The following RTN4RL1 variants were observed in gnomAD, a reference collection of about 807,000 sequenced individuals.
RTN4RL1 encodes reticulon-4 receptor-like 1.
RTN4RL1 carries 7 observed loss-of-function variants against 25.6 expected under a neutral mutation model. That is an observed-to-expected ratio of 0.27 (90% CI 0.16 to 0.51). The LOEUF (loss-of-function observed/expected upper bound fraction) is 0.51, where lower values mean the gene tolerates loss of function less well. Among genes scored for constraint, RTN4RL1 ranks in the 20% least tolerant of loss-of-function variants. The probability of loss-of-function intolerance (pLI) is 0.97; values close to 1 mark genes in which losing one functional copy is unlikely to be tolerated. For synonymous variants in RTN4RL1, 297 were observed against 288.2 expected (o/e 1.03, Z -0.31); for missense variants, 500 against 615.6 (o/e 0.81, Z 1.99).
intron 1 of RTN4RL1, among the ~76,000 whole-genome samples, chr17:2,002,354 G>C (rs373303044): frequency 6.7e-6 from 1 of 149,248 alleles, no homozygotes; most frequent in South Asian, 2.1e-4. Context: ...GTGCAGTGGC[G>C]CGATCTCGGC....
At chr17:1,990,722 T>C (rs1319302841) in intron 1 of RTN4RL1, among the ~76,000 whole-genome samples, 1 of 152,076 alleles carries the variant, frequency 6.6e-6, no homozygotes, top group Non-Finnish European at 1.5e-5. Context: ...CTTACTGTAA[T>C]ACAATCAAGG....
At chr17:1,974,481 G>C (rs2066834405) in intron 1 of RTN4RL1, among the ~76,000 whole-genome samples, 1 of 152,204 alleles carries the variant, frequency 6.6e-6, no homozygotes, top group Non-Finnish European at 1.5e-5. Flanking sequence ...TGTCAGCTGA[G>C]TGTCATTATG....
intron 1 of RTN4RL1, among the ~76,000 whole-genome samples, chr17:1,944,904 G>A (rs928387354): frequency 2.0e-5 from 3 of 152,178 alleles, no homozygotes; most frequent in African/African-American, 7.2e-5. Flanking sequence ...TGACACAGTA[G>A]GCAGGGAGAT....
Position 2,024,932 on chromosome 17 carries a change from T to C in RTN4RL1, c.-67A>G, listed in dbSNP as rs567373704. On this transcript the variant is annotated 5_prime_UTR_variant, in exon 1 of 2. Transcript: ENST00000331238. ...CTCCCTCCCGGGGTCCAGATTCAAATCCCTGGGCGCCAGCTGCAGCTAATC... is the reference window on the plus strand; with the variant it reads ...CTCCCTCCCGGGGTCCAGATTCAAACCCCTGGGCGCCAGCTGCAGCTAATC... The C allele has an allele frequency of 2.4e-5, 36 of 1,500,472 alleles. No individual in the cohort carries two copies. The highest frequency in any genetic ancestry group is 3.2e-5 in the Non-Finnish European group (35 of 1,109,158). 92.9% of individuals were successfully genotyped at this position (1,500,472 alleles called of 1,614,324 possible). A position where few individuals can be genotyped will look rare whatever the true frequency, so the allele number is the denominator to read the frequency against.
At chr17:1,949,039 C>G (rs1034178393) in intron 1 of RTN4RL1, among the ~76,000 whole-genome samples, 3 of 152,154 alleles carry the variant, frequency 2.0e-5, no homozygotes, top group Non-Finnish European at 4.4e-5. Flanking sequence ...TCACTGCAAG[C>G]TCCGCCTCCC....
intron 1 of RTN4RL1, among the ~76,000 whole-genome samples, chr17:2,007,762 G>A (rs1447927006): frequency 2.6e-5 from 4 of 151,994 alleles, no homozygotes; most frequent in East Asian, 1.9e-4. Flanking sequence ...TGGCCAGGGT[G>A]GTGAAACCCC....
rs886096884 is a variant in RTN4RL1, at chr17:1,998,792, GT to G, written c.13+26060del. 6.6e-6 allele frequency among the ~76,000 whole-genome samples: 1 copy of G among 151,498 alleles called. No individual in the cohort carries two copies. Among genetic ancestry groups the G allele is most frequent in the Non-Finnish European group, 1.5e-5 (1 of 67,774 alleles). ...CGGGGACCCCGGGGTGGGGGTGGGG[GT>G]GGGGCTCTGCGAGGGCCCTAAAAAC... On this transcript the variant is annotated intron_variant, in intron 1 of 1. Coordinates refer to ENST00000331238, the MANE Select transcript of RTN4RL1 (RefSeq NM_178568.4). The surrounding 1 kb of genome is among the most constrained non-coding windows in gnomAD (Gnocchi z 4.9).
chr17:1,971,924 T>A (rs1450317827), intron 1 of RTN4RL1, among the ~76,000 whole-genome samples: 1 of 130,590 alleles, frequency 7.7e-6, no homozygotes, highest in Non-Finnish European at 1.6e-5. Flanking sequence ...ATTGCGCCAC[T>A]GCACTCCAGC....
chr17:1,979,485 A>G (rs557028694), intron 1 of RTN4RL1, among the ~76,000 whole-genome samples: 1 of 146,260 alleles, frequency 6.8e-6, no homozygotes, highest in African/African-American at 2.6e-5. Flanking sequence ...TAAAAAAAAG[A>G]AAAAAAAAGA....
In RTN4RL1 at chr17:1,998,411, G is replaced by C. The variant is rs1199351608; in HGVS notation, c.13+26442C>G. 6.6e-6 allele frequency among the ~76,000 whole-genome samples: 1 copy of C among 152,004 alleles called. No individual in the cohort carries two copies. Among genetic ancestry groups the C allele is most frequent in the Non-Finnish European group, 1.5e-5 (1 of 67,966 alleles). On this transcript the variant is annotated intron_variant, in intron 1 of 1. Transcript: ENST00000331238. The surrounding 1 kb of genome is among the most constrained non-coding windows in gnomAD (Gnocchi z 4.9). ...TTACCGCGCGGGGAGCCGCGGCCGC[G>C]CTGGGATCCGTTCCCTCTCGCGGGA...
intron 1 of RTN4RL1, among the ~76,000 whole-genome samples, chr17:1,972,060 CCCAGGAGGT>C (rs138139592): frequency 0.031 from 4,730 of 151,886 alleles, 102 homozygotes; most frequent in South Asian, 0.053. Flanking sequence ...ATCACTTGGG[CCCAGGAGGT>C]CAAGGCTGCA....
In RTN4RL1 at chr17:2,000,508, A is replaced by T. The variant is rs1187660437; in HGVS notation, c.13+24345T>A. 3.3e-5 allele frequency among the ~76,000 whole-genome samples: 5 copies of T among 151,454 alleles called. No individual in the cohort carries two copies. In the East Asian group the frequency reaches 9.7e-4, roughly 29 times the overall value. On this transcript the variant is annotated intron_variant, in intron 1 of 1. Transcript: ENST00000331238. Reference sequence around the variant, plus strand: ...CAAGCACATGCCACCATGTCCAGCTAATTTTAGTATTTTATTTATTTATTT... The same window carrying T: ...CAAGCACATGCCACCATGTCCAGCTTATTTTAGTATTTTATTTATTTATTT...
chr17:1,993,618 C>A (rs1234956773), intron 1 of RTN4RL1, among the ~76,000 whole-genome samples: 1 of 151,988 alleles, frequency 6.6e-6, no homozygotes, highest in Non-Finnish European at 1.5e-5. Flanking sequence ...CACATAGTAA[C>A]GGTTCAATAA....
intron 1 of RTN4RL1, among the ~76,000 whole-genome samples, chr17:2,021,297 A>G (rs992222047): frequency 1.3e-5 from 2 of 152,124 alleles, no homozygotes; most frequent in Non-Finnish European, 2.9e-5. Context: ...CTGGGGCTTC[A>G]TACCACTGCA....
chr17:1,997,785 C>T (rs1307493394), intron 1 of RTN4RL1, among the ~76,000 whole-genome samples: 1 of 152,256 alleles, frequency 6.6e-6, no homozygotes, highest in Non-Finnish European at 1.5e-5. Context: ...GGAGGTCAGG[C>T]CTGAGCCGGG....
chr17:2,007,460 T>G (rs1416349980), intron 1 of RTN4RL1, among the ~76,000 whole-genome samples: 3 of 151,952 alleles, frequency 2.0e-5, no homozygotes, highest in Non-Finnish European at 4.4e-5. Context: ...GCCGACCTCT[T>G]GCTCTGGCCT....
chr17:1,971,848 G>C (rs1262999989), intron 1 of RTN4RL1, among the ~76,000 whole-genome samples: 1 of 151,694 alleles, frequency 6.6e-6, no homozygotes, highest in African/African-American at 2.4e-5. Context: ...TGTAGTCCCA[G>C]CTACTCGGGA....
chr17:1,995,165 C>T (rs2066923912), intron 1 of RTN4RL1, among the ~76,000 whole-genome samples: 1 of 152,140 alleles, frequency 6.6e-6, no homozygotes, highest in Admixed American at 6.6e-5. Flanking sequence ...CCTGTAATCC[C>T]AGCACTTTGG....
chr17:2,014,528 C>T (rs548389587), intron 1 of RTN4RL1, among the ~76,000 whole-genome samples: 1 of 152,210 alleles, frequency 6.6e-6, no homozygotes, highest in South Asian at 2.1e-4. Flanking sequence ...GCAAATCCTT[C>T]AAGACAAAAG....
Sources: gnomAD v4.1 joint callset for allele counts (sites outside exome capture counted in the v4.1 genomes callset) on GRCh38, gnomAD v4.1.1 for gene constraint, Gnocchi (gnomAD v3.1) non-coding constraint, MANE v1.5 for transcripts, NCBI Gene and HGNC (gene_info 2026-07-23, HGNC 2026-07-21) for gene names.